The following TLN1 variants were observed in gnomAD, a reference collection of about 807,000 sequenced individuals.
TLN1 encodes talin 1, also known as talin-1.
A neutral mutation model predicts 292.3 loss-of-function variants in TLN1; 56 were observed. That is an observed-to-expected ratio of 0.19 (90% CI 0.15 to 0.24). The LOEUF is 0.24. Among genes scored for constraint, TLN1 ranks in the 10% least tolerant of loss-of-function variants. TLN1 has a pLI of 1.00. For synonymous variants in TLN1, 1,119 were observed against 1,253.7 expected, an observed-to-expected ratio of 0.89 and a Z score of 2.27; for missense variants, 2,433 against 3,248.2, an observed-to-expected ratio of 0.75 and a Z score of 6.10.
At chr9:35,727,178 C>A (rs980753642) in intron 1 of TLN1, among the ~76,000 whole-genome samples, 8 of 152,144 alleles carry the variant, frequency 5.3e-5, no homozygotes, top group African/African-American at 1.9e-4. Flanking sequence ...TGCCTCTTAA[C>A]TAAGAGAATG....
At chr9:35,725,815 T>C in intron 1 of TLN1, 88 bp from the exon 2 acceptor site, 1 of 1,246,632 alleles carries the variant, frequency 8.0e-7, no homozygotes, top group Non-Finnish European at 1.1e-6. Context: ...AAGAGTGTTT[T>C]TGAAAGGGAC....
At chr9:35,712,717 G>T in intron 27 of TLN1, 118 bp downstream of exon 27, 1 of 771,012 alleles carries the variant, frequency 1.3e-6, no homozygotes, top group Non-Finnish European at 2.1e-6. Flanking sequence ...GTCAAGAGCA[G>T]ACCCAAGAAG....
At chr9:35,713,091 G>C (rs1471856744) in intron 26 of TLN1, 48 bp from the exon 27 acceptor site, 1 of 1,573,864 alleles carries the variant, frequency 6.4e-7, no homozygotes, top group South Asian at 1.1e-5. Context: ...TTCATTGCCA[G>C]GCCCTGATTC....
At chr9:35,713,836 A>G (rs1563943320) in intron 25 of TLN1, 117 bp downstream of exon 25, 6 of 1,107,678 alleles carry the variant, frequency 5.4e-6, no homozygotes, top group Non-Finnish European at 7.5e-6. Flanking sequence ...AGAAAAATAA[A>G]AGAGAGAAAG....
chr9:35,708,604 TTC>T (rs1389172499), intron 33 of TLN1, 120 bp from the exon 34 acceptor site: 2 of 1,036,352 alleles, frequency 1.9e-6, no homozygotes, highest in Non-Finnish European at 2.6e-6. Context: ...TTTTCCAGAG[TTC>T]TCCATGAGTG....
chr9:35,699,843 C>A lies in TLN1; in HGVS notation c.6768+131G>T. On this transcript the variant is annotated intron_variant, in intron 50 of 56. Transcript: ENST00000314888. This position sits in a 1 kb window ranked among gnomAD's most constrained non-coding sequence, Gnocchi z 4.0. ...AGAAAGGGAGACTTGGAAAGGAGAACAGATTTGGGAAGTAGAGGGTGGGGT... is the reference window on the plus strand; with the variant it reads ...AGAAAGGGAGACTTGGAAAGGAGAAAAGATTTGGGAAGTAGAGGGTGGGGT... 8.9e-7 allele frequency: 1 copy of A among 1,117,414 alleles called. No individual in the cohort carries two copies. Among genetic ancestry groups the A allele is most frequent in the South Asian group, 1.8e-5 (1 of 56,418 alleles). 69.2% of individuals were successfully genotyped at this position (1,117,414 alleles called of 1,614,324 possible). A position where few individuals can be genotyped will look rare whatever the true frequency, so the allele number is the denominator to read the frequency against.
In TLN1 at chr9:35,724,167, C is replaced by T; in HGVS notation, c.654+25G>A. On this transcript the variant is annotated intron_variant, in intron 6 of 56. Coordinates refer to ENST00000314888, the MANE Select transcript of TLN1 (RefSeq NM_006289.4). The surrounding 1 kb of genome is among the most constrained non-coding windows in gnomAD (Gnocchi z 4.7). ...TTCCGAGCCCTCCCTATTCCTGCCCCACCCCAGCCAAGTCCTCTGCATACC... is the reference window on the plus strand; with the variant it reads ...TTCCGAGCCCTCCCTATTCCTGCCCTACCCCAGCCAAGTCCTCTGCATACC... The T allele has an allele frequency of 6.2e-7, 1 of 1,614,064 alleles. No individual in the cohort carries two copies. Among genetic ancestry groups the T allele is most frequent in the Non-Finnish European group, 8.5e-7 (1 of 1,179,924 alleles).
rs1825401076 is a variant in TLN1 at position 35,698,219 on chromosome 9, C to T, written c.7372-47G>A. The T allele has an allele frequency of 6.2e-7, 1 of 1,611,068 alleles. No homozygotes were observed. Among genetic ancestry groups the T allele is most frequent in the Admixed American group, 1.7e-5 (1 of 59,912 alleles). On this transcript the variant is annotated intron_variant, in intron 55 of 56. Coordinates refer to ENST00000314888, the MANE Select transcript of TLN1 (RefSeq NM_006289.4). This position sits in a 1 kb window ranked among gnomAD's most constrained non-coding sequence, Gnocchi z 5.3. ...TAGGTTGAGAACTCAGGTACGGTCC[C>T]AGTTGAGACAGTACCTCAATTCTCT...
chr9:35,721,433 T>G (rs1005890603), intron 10 of TLN1, among the ~76,000 whole-genome samples: 1 of 152,214 alleles, frequency 6.6e-6, no homozygotes, highest in African/African-American at 2.4e-5. Context: ...AGCTTGCTGA[T>G]GAGATTTTTG....
At chr9:35,731,404 C>T (rs907226454) in intron 1 of TLN1, among the ~76,000 whole-genome samples, 1 of 136,234 alleles carries the variant, frequency 7.3e-6, no homozygotes, top group Non-Finnish European at 1.7e-5. Flanking sequence ...CTAAGTTTTG[C>T]CTTTAGCACC....
intron 25 of TLN1, among the ~76,000 whole-genome samples, chr9:35,713,703 G>T (rs1378526089): frequency 1.5e-5 from 2 of 136,624 alleles, no homozygotes; most frequent in Non-Finnish European, 3.2e-5. Context: ...AGAAATAAAA[G>T]AACGGAAAAG....
In TLN1 at chr9:35,716,333, G is replaced by C. The variant is rs143518623; in HGVS notation, c.2625+57C>G. On this transcript the variant is annotated intron_variant, in intron 20 of 56. Coordinates refer to ENST00000314888, the MANE Select transcript of TLN1 (RefSeq NM_006289.4). ...CTCATCAGATGAGGGTGACCATCTG[G>C]ACTGCTCTACTTCCCTCTAGGGTCC... 2.3e-3 allele frequency: 3,668 copies of C among 1,595,780 alleles called. 10 individuals are homozygous for C. Among genetic ancestry groups the C allele is most frequent in the Non-Finnish European group, 2.8e-3 (3,247 of 1,168,400 alleles).
intron 2 of TLN1, 87 bp from the exon 3 acceptor site, chr9:35,725,408 C>T: frequency 6.5e-7 from 1 of 1,546,056 alleles, no homozygotes; most frequent in Non-Finnish European, 8.9e-7. Context: ...ACTATTTCTC[C>T]CATGACCTTG....
Position 35,718,823 on chromosome 9 carries a change from G to T in TLN1, c.1984C>A (p.Pro662Thr), listed in dbSNP as rs1203680035. The T allele has an allele frequency of 6.2e-7, 1 of 1,613,528 alleles. No individual in the cohort carries two copies. Among genetic ancestry groups the T allele is most frequent in the Non-Finnish European group, 8.5e-7 (1 of 1,179,752 alleles). ...GGTAAGTCACCAACCTGGAAGTGGG[G>T]GTCAGTATCACTTTCCCCAATTTGT... ...LQQIGESDTD[P>T]HFQDALMQLA... is the part of the protein sequence containing the mutation. The change falls in exon 17 of 57, where the codon CCC becomes ACC. Residue 662 changes from proline to threonine, a missense_variant. Coordinates refer to ENST00000314888, the MANE Select transcript of TLN1 (RefSeq NM_006289.4).
intron 9 of TLN1, 152 bp downstream of exon 9, chr9:35,721,967 A>C: frequency 8.8e-7 from 1 of 1,133,732 alleles, no homozygotes; most frequent in Non-Finnish European, 1.3e-6. Context: ...GGCTGATGAC[A>C]GGCAGGTTTT....
At chr9:35,731,915 G>A (rs1447630976) in intron 1 of TLN1, among the ~76,000 whole-genome samples, 160 bp downstream of exon 1, 1 of 152,070 alleles carries the variant, frequency 6.6e-6, no homozygotes, top group Non-Finnish European at 1.5e-5. Flanking sequence ...TCCCCAAGAC[G>A]GCCTACTTCA....
chr9:35,705,208 G>A (rs917188067), intron 43 of TLN1, among the ~76,000 whole-genome samples: 5 of 152,222 alleles, frequency 3.3e-5, no homozygotes, highest in Non-Finnish European at 7.3e-5. Context: ...TGGAAAGCTA[G>A]AGGCTTAGGT....
chr9:35,710,780 T>G lies in TLN1; in HGVS notation c.4203+17A>C. 1 of 1,614,096 alleles carries G rather than the reference T, an allele frequency of 6.2e-7. No individual in the cohort carries two copies. The highest frequency in any genetic ancestry group is 1.1e-5 in the South Asian group (1 of 91,082). On this transcript the variant is annotated intron_variant, in intron 32 of 56. Coordinates refer to ENST00000314888, the MANE Select transcript of TLN1 (RefSeq NM_006289.4). ...ATCCTACTGCCCTCTCTCCTCCGAG[T>G]TCCTGGCTGTGCTGACCTTTGAGTT...
At chr9:35,727,493 G>A (rs1481663471) in intron 1 of TLN1, among the ~76,000 whole-genome samples, 1 of 152,170 alleles carries the variant, frequency 6.6e-6, no homozygotes, top group African/African-American at 2.4e-5. Context: ...AGTCTCAAAA[G>A]AGAAGAACCA....
Sources: gnomAD v4.1 joint callset for allele counts (sites outside exome capture counted in the v4.1 genomes callset) on GRCh38, gnomAD v4.1.1 for gene constraint, Gnocchi (gnomAD v3.1) non-coding constraint, MANE v1.5 for transcripts, NCBI Gene and HGNC (gene_info 2026-07-23, HGNC 2026-07-21) for gene names.